The following SFI1 variants were observed in gnomAD, a reference collection of about 807,000 sequenced individuals.
SFI1 encodes SFI1 centrin binding protein.
Under a neutral mutation model 207.5 loss-of-function variants are expected in SFI1, and 195 were observed. That is an observed-to-expected ratio of 0.94 (90% CI 0.84 to 1.06). The LOEUF is 1.06. SFI1 is among the 50% of genes least tolerant of loss of function. The probability of loss-of-function intolerance (pLI) is 0.00; values close to 1 mark genes in which losing one functional copy is unlikely to be tolerated. For missense variants in SFI1, 1,634 were observed against 1,588.0 expected (o/e 1.03, Z -0.49); for synonymous variants, 630 against 598.9 (o/e 1.05, Z -0.76).
At chr22:31,513,713 G>A (rs2056007093) in intron 2 of SFI1, among the ~76,000 whole-genome samples, 1 of 151,972 alleles carries the variant, frequency 6.6e-6, no homozygotes, top group Non-Finnish European at 1.5e-5. Flanking sequence ...GGGCAGCTGG[G>A]ATTACAGGTG....
At chr22:31,500,861 G>A (rs143082256) in intron 1 of SFI1, among the ~76,000 whole-genome samples, 2,586 of 149,832 alleles carry the variant, frequency 0.017, 33 homozygotes, top group Non-Finnish European at 0.028. Context: ...ATGCAATGGC[G>A]TGATCTCGGC....
At chr22:31,604,678 G>T in intron 19 of SFI1, 191 bp from the exon 20 acceptor site, 2 of 597,642 alleles carry the variant, frequency 3.3e-6, no homozygotes, top group Non-Finnish European at 3.0e-6. Flanking sequence ...GGAGGTGAGG[G>T]CCTGTGAGAC....
chr22:31,545,365 CAAAAAAAAAAGA>C (rs977483171), intron 4 of SFI1, among the ~76,000 whole-genome samples: 5 of 135,472 alleles, frequency 3.7e-5, no homozygotes, highest in African/African-American at 1.4e-4. Context: ...AACTCCGTCT[CAAAAAAAAAAGA>C]AAAAAAAAAT....
At chr22:31,538,079 C>T (rs961197310) in intron 4 of SFI1, among the ~76,000 whole-genome samples, 1 of 152,032 alleles carries the variant, frequency 6.6e-6, no homozygotes, top group Non-Finnish European at 1.5e-5. Context: ...TCAAGCAATT[C>T]TCCTGCCTCA....
Position 31,561,271 on chromosome 22 carries a change from T to G in SFI1, c.663-19T>G. The stretch of plus-strand genomic sequence containing the variant: ...GGCTTTTTACTGATGGATTCCATCT[T>G]TGATTTGCTGTTTCACAGGGTGTGG... On this transcript the variant is annotated intron_variant, in intron 7 of 32. Transcript: ENST00000400288. 3.1e-6 allele frequency: 5 copies of G among 1,610,432 alleles called. No homozygotes were observed. Among genetic ancestry groups the G allele is most frequent in the Non-Finnish European group, 4.2e-6 (5 of 1,177,448 alleles).
intron 29 of SFI1, 99 bp from the exon 30 acceptor site, chr22:31,616,646 C>T (rs2071550493): frequency 2.2e-6 from 3 of 1,342,038 alleles, no homozygotes; most frequent in Non-Finnish European, 3.0e-6. Context: ...CTGGTCTTCC[C>T]CCACCCCTGC....
At chr22:31,603,409 A>T (rs2068448614) in intron 17 of SFI1, among the ~76,000 whole-genome samples, 1 of 152,044 alleles carries the variant, frequency 6.6e-6, no homozygotes, top group Admixed American at 6.6e-5. Flanking sequence ...CACTATAGAG[A>T]CTGTCCTGCT....
At chr22:31,562,384 G>A (rs2061797636) in intron 8 of SFI1, among the ~76,000 whole-genome samples, 1 of 148,604 alleles carries the variant, frequency 6.7e-6, no homozygotes, top group Admixed American at 6.8e-5. Flanking sequence ...AATAATAACA[G>A]TACCAATAGC....
intron 5 of SFI1, among the ~76,000 whole-genome samples, chr22:31,549,940 T>C (rs2060472739): frequency 6.6e-6 from 1 of 151,868 alleles, no homozygotes; most frequent in Non-Finnish European, 1.5e-5. Flanking sequence ...TTTGTTTGTT[T>C]GTTTCTTGAG....
intron 1 of SFI1, among the ~76,000 whole-genome samples, chr22:31,504,091 T>G (rs1364059053): frequency 6.6e-6 from 1 of 152,076 alleles, no homozygotes; most frequent in African/African-American, 2.4e-5. Flanking sequence ...TTCCATGGAA[T>G]TTATATTTTA....
At chr22:31,549,131 T>A (rs1436965498) in intron 5 of SFI1, among the ~76,000 whole-genome samples, 1 of 150,766 alleles carries the variant, frequency 6.6e-6, no homozygotes, top group East Asian at 2.0e-4. Context: ...TACAAAAAAA[T>A]ACAAAAATTA....
At chr22:31,502,904 A>G (rs1399289661) in intron 1 of SFI1, among the ~76,000 whole-genome samples, 1 of 151,984 alleles carries the variant, frequency 6.6e-6, no homozygotes, top group African/African-American at 2.4e-5. Context: ...ACTTGAGGTC[A>G]GGAATTCAAG....
At chr22:31,528,227 C>T (rs2058122782) in intron 2 of SFI1, among the ~76,000 whole-genome samples, 1 of 151,992 alleles carries the variant, frequency 6.6e-6, no homozygotes, top group Non-Finnish European at 1.5e-5. Flanking sequence ...CAAGACCAGC[C>T]TGGGCAACAC....
At chr22:31,559,806 C>T (rs2148235596) in intron 7 of SFI1, 1 of 712,196 alleles carries the variant, frequency 1.4e-6, no homozygotes. Context: ...AAGCTCCGTG[C>T]AGATGTGGAG....
intron 16 of SFI1, 148 bp downstream of exon 16, chr22:31,602,441 T>C: frequency 8.9e-7 from 1 of 1,129,816 alleles, no homozygotes; most frequent in Non-Finnish European, 1.3e-6. Flanking sequence ...CTCTGGGGCA[T>C]CTGTCCTTTC....
intron 6 of SFI1, among the ~76,000 whole-genome samples, chr22:31,556,374 A>G (rs1279755240): frequency 6.6e-6 from 1 of 151,960 alleles, no homozygotes; most frequent in African/African-American, 2.4e-5. Context: ...GGCGCACGCC[A>G]CCACACCTGG....
chr22:31,496,581 C>G lies in SFI1; in HGVS notation c.-87C>G, dbSNP rs1601702697. On this transcript the variant is annotated 5_prime_UTR_variant, in exon 1 of 33. In the 5' UTR this introduces an upstream ATG that the reference lacks. Coordinates refer to ENST00000400288, the MANE Select transcript of SFI1 (RefSeq NM_001007467.3). ...GGGAGTTAAGAAGCAGGTCCCGGAT[C>G]GCCGTATACCGCCGGGTTTTCTCCC... 6.6e-6 allele frequency: 1 copy of G among 152,224 alleles called. No homozygotes were observed. The highest frequency in any genetic ancestry group is 2.4e-5 in the African/African-American group (1 of 41,464). 9.4% of individuals were successfully genotyped at this position (152,224 alleles called of 1,614,324 possible).
chr22:31,575,331 C>T lies in SFI1; in HGVS notation c.1023C>T (p.Ala341=). 1 of 1,613,242 alleles carries T rather than the reference C, an allele frequency of 6.2e-7. No homozygotes were observed. The highest frequency in any genetic ancestry group is 8.5e-7 in the Non-Finnish European group (1 of 1,179,732). The change falls in exon 10 of 33, where the codon GCC becomes GCT. Residue 341 remains alanine (A), a synonymous_variant. Coordinates refer to ENST00000400288, the MANE Select transcript of SFI1 (RefSeq NM_001007467.3). ...GGGAGAGCTTGTACGCTCACCATGC[C>T]CAGGTGGAGAAACTGGCCAGGAAGA... ...ERRESLYAHH[A]QVEKLARKMA...
chr22:31,562,634 AT>A (rs111353931), intron 8 of SFI1, among the ~76,000 whole-genome samples: 42,905 of 150,196 alleles, frequency 0.29, 6,518 homozygotes, highest in East Asian at 0.43. Context: ...AGGTTTTTTT[AT>A]TTTTTTTTGA....
Sources: gnomAD v4.1 joint callset for allele counts (sites outside exome capture counted in the v4.1 genomes callset) on GRCh38, gnomAD v4.1.1 for gene constraint, MANE v1.5 for transcripts, NCBI Gene and HGNC (gene_info 2026-07-23, HGNC 2026-07-21) for gene names.